The following RRAGB variants were observed in gnomAD, a reference collection of about 807,000 sequenced individuals.
RRAGB encodes the protein Ras related GTP binding B.
RRAGB carries 6 observed loss-of-function variants against 29.3 expected under a neutral mutation model. That is an observed-to-expected ratio of 0.21 (90% CI 0.11 to 0.40). The LOEUF is 0.40. Ranked by LOEUF, RRAGB falls within the 10% of genes least tolerant of loss-of-function variation. The pLI, the probability that RRAGB is intolerant of heterozygous loss-of-function variation, is 1.00. For synonymous variants in RRAGB, 101 were observed against 92.5 expected (o/e 1.09, Z -0.53); for missense variants, 184 against 272.9 (o/e 0.67, Z 2.29).
chrX:55,724,096 G>T (rs2033391783), intron 3 of RRAGB, among the ~76,000 whole-genome samples: 1 of 111,696 alleles, frequency 9.0e-6, no homozygotes, highest in Admixed American at 9.4e-5. Flanking sequence ...CTCCTTTTTT[G>T]GAGTAACTTT....
intron 5 of RRAGB, among the ~76,000 whole-genome samples, chrX:55,746,583 T>C (rs1293180526): frequency 8.9e-6 from 1 of 112,516 alleles, no homozygotes. Context: ...TTATTTTTCA[T>C]AGTCATGATG....
intron 4 of RRAGB, 56 bp downstream of exon 4, chrX:55,729,416 A>G (rs759486880): frequency 1.3e-6 from 1 of 768,039 alleles, no homozygotes. Flanking sequence ...CGTGGCATCT[A>G]GTATATCAGC....
intron 2 of RRAGB, 131 bp downstream of exon 2, chrX:55,719,478 C>A: frequency 7.2e-6 from 3 of 418,705 alleles, no homozygotes; most frequent in South Asian, 1.5e-4. Context: ...GTCTGACTCT[C>A]TTCTCCTTGT....
rs1169685440 is a variant in RRAGB at position 55,758,273 on chromosome X, G to A, written c.971G>A (p.Arg324His). The change falls in exon 10 of 10, where the codon CGC becomes CAC. Residue 324 changes from arginine to histidine, a missense_variant. Coordinates refer to ENST00000374941, the MANE Select transcript of RRAGB (RefSeq NM_006064.5). ...IPSAATLINI[R>H]NARKHFEKLE... ...TCTGCAGCTACTCTGATCAACATCC[G>A]CAATGCCAGGAAACACTTTGAAAAG... 17 of 1,204,352 alleles carry A rather than the reference G, an allele frequency of 1.4e-5. No individual in the cohort carries two copies. The highest frequency in any genetic ancestry group is 1.9e-5 in the Non-Finnish European group (17 of 891,519).
At chrX:55,720,104 A>C (rs757841785) in intron 2 of RRAGB, among the ~76,000 whole-genome samples, 5 of 112,275 alleles carry the variant, frequency 4.5e-5, no homozygotes, top group Non-Finnish European at 9.4e-5. Flanking sequence ...GAAATGTACC[A>C]TATTTAGCCT....
At chrX:55,740,279 C>T (rs980463433) in intron 5 of RRAGB, among the ~76,000 whole-genome samples, 4 of 109,870 alleles carry the variant, frequency 3.6e-5, no homozygotes, top group East Asian at 2.9e-4. Context: ...GCCCAGATAG[C>T]GCCACTGCAG....
chrX:55,722,825 T>C (rs1041387367), intron 3 of RRAGB, among the ~76,000 whole-genome samples: 8 of 111,554 alleles, frequency 7.2e-5, no homozygotes, highest in Non-Finnish European at 1.1e-4. Flanking sequence ...TTTTATAGTT[T>C]GAGTGTTAGT....
At chrX:55,724,978 A>C (rs1376089881) in intron 3 of RRAGB, among the ~76,000 whole-genome samples, 1 of 112,053 alleles carries the variant, frequency 8.9e-6, no homozygotes, top group East Asian at 2.8e-4. Context: ...TTGTTGAAGC[A>C]TCTTTTTCTA....
At chrX:55,741,025 A>ATTT (rs143015105) in intron 5 of RRAGB, among the ~76,000 whole-genome samples, 1 of 80,878 alleles carries the variant, frequency 1.2e-5, no homozygotes, top group African/African-American at 4.1e-5. Flanking sequence ...CTTCAAAATG[A>ATTT]TTTTTTTTTT....
chrX:55,735,181 C>T (rs766432231), intron 5 of RRAGB, among the ~76,000 whole-genome samples: 4 of 111,659 alleles, frequency 3.6e-5, no homozygotes, highest in Non-Finnish European at 5.6e-5. Flanking sequence ...GTTGACTTTC[C>T]GCCACAATGA....
At chrX:55,722,121 C>G in intron 2 of RRAGB, 65 bp from the exon 3 acceptor site, 1 of 653,472 alleles carries the variant, frequency 1.5e-6, no homozygotes, top group Non-Finnish European at 2.4e-6. Context: ...AAATAGATCC[C>G]TTTAGACTTG....
At chrX:55,741,812 G>C (rs2034085223) in intron 5 of RRAGB, among the ~76,000 whole-genome samples, 1 of 112,079 alleles carries the variant, frequency 8.9e-6, no homozygotes, top group African/African-American at 3.3e-5. Flanking sequence ...TACCTTCACA[G>C]TGATATCTGG....
At chrX:55,722,163 C>T (rs369068673) in intron 2 of RRAGB, 23 bp from the exon 3 acceptor site, 61 of 1,025,724 alleles carry the variant, frequency 5.9e-5, no homozygotes, top group Non-Finnish European at 7.5e-5. Flanking sequence ...TTTTTCCTTT[C>T]CTTTTCCCTA....
At chrX:55,736,445 A>G (rs2033866946) in intron 5 of RRAGB, among the ~76,000 whole-genome samples, 1 of 111,902 alleles carries the variant, frequency 8.9e-6, no homozygotes, top group African/African-American at 3.2e-5. Context: ...CAACCTAATA[A>G]TTAACATTTT....
chrX:55,723,857 C>T (rs139526725), intron 3 of RRAGB, among the ~76,000 whole-genome samples: 107 of 112,386 alleles, frequency 9.5e-4, no homozygotes, highest in African/African-American at 3.4e-3. Flanking sequence ...CATGCCCGGC[C>T]ATCTTGCCTC....
chrX:55,720,891 TAAAAA>T (rs927963987), intron 2 of RRAGB, among the ~76,000 whole-genome samples: 1 of 110,348 alleles, frequency 9.1e-6, no homozygotes, highest in African/African-American at 3.3e-5. Context: ...AAAAATAAAA[TAAAAA>T]AGAAAGAACG....
intron 3 of RRAGB, among the ~76,000 whole-genome samples, chrX:55,724,623 T>G (rs1285850950): frequency 9.0e-6 from 1 of 111,545 alleles, no homozygotes; most frequent in African/African-American, 3.3e-5. Flanking sequence ...TCTGCTTGAT[T>G]TGATAGATTA....
intron 4 of RRAGB, among the ~76,000 whole-genome samples, chrX:55,729,678 G>A (rs5914430): frequency 2.2e-4 from 25 of 111,795 alleles, no homozygotes; most frequent in Non-Finnish European, 3.9e-4. Flanking sequence ...TGAGCTCTTA[G>A]CTGTCACACC....
intron 5 of RRAGB, among the ~76,000 whole-genome samples, chrX:55,749,248 C>T (rs1175385036): frequency 8.6e-5 from 8 of 92,506 alleles, no homozygotes; most frequent in Non-Finnish European, 1.5e-4. Flanking sequence ...CGCCTCTGCC[C>T]GGCCGCCCCT....
Sources: gnomAD v4.1 joint callset for allele counts (sites outside exome capture counted in the v4.1 genomes callset) on GRCh38, gnomAD v4.1.1 for gene constraint, MANE v1.5 for transcripts, NCBI Gene and HGNC (gene_info 2026-07-23, HGNC 2026-07-21) for gene names.